The following CREB3L1 variants were observed in gnomAD, a reference collection of about 807,000 sequenced individuals.
CREB3L1 encodes the protein cAMP responsive element binding protein 3 like 1.
In CREB3L1, 33 loss-of-function variants were observed where a neutral mutation model predicts 54.5. The ratio of observed to expected loss-of-function variants is 0.61; its 90% CI spans 0.46 to 0.81. CREB3L1 has a LOEUF of 0.81. Ranked by LOEUF, CREB3L1 falls within the 30% of genes least tolerant of loss-of-function variation. The pLI, the probability that CREB3L1 is intolerant of heterozygous loss-of-function variation, is 0.00. For synonymous variants in CREB3L1, 284 were observed against 286.4 expected (o/e 0.99, Z 0.08); for missense variants, 656 against 673.3 (o/e 0.97, Z 0.29).
chr11:46,301,449 C>T (rs975049234), intron 2 of CREB3L1, among the ~76,000 whole-genome samples: 2 of 151,450 alleles, frequency 1.3e-5, no homozygotes, highest in African/African-American at 2.4e-5. Flanking sequence ...ACCAGCCTGG[C>T]GAACGTGATA....
In CREB3L1 at chr11:46,299,278, C is replaced by T. The variant is rs115611942; in HGVS notation, c.103-657C>T. Among the ~76,000 whole-genome samples, 723 of 152,174 alleles carry T rather than the reference C, an allele frequency of 4.8e-3. 8 individuals are homozygous for T. The highest frequency in any genetic ancestry group is 0.017 in the African/African-American group (702 of 41,526). On this transcript the variant is annotated intron_variant, in intron 1 of 11. Transcript: ENST00000621158. ...AGCTAGAAGGATGGAGGCCACCATT[C>T]GAACCTAAATAGTAGGGCTCCGGAG... is the stretch of plus-strand genomic sequence containing the variant.
chr11:46,318,442 T>C (rs1939599618), intron 10 of CREB3L1, among the ~76,000 whole-genome samples: 3 of 152,240 alleles, frequency 2.0e-5, no homozygotes, highest in Non-Finnish European at 2.9e-5. Flanking sequence ...GGCATGTGTC[T>C]TAAGCTTTCA....
chr11:46,280,701 C>G (rs951289677), intron 1 of CREB3L1, among the ~76,000 whole-genome samples: 1 of 152,116 alleles, frequency 6.6e-6, no homozygotes, highest in Non-Finnish European at 1.5e-5. Flanking sequence ...GCTGTGTGAA[C>G]ATAGCAAGTC....
chr11:46,291,994 G>A (rs574729786), intron 1 of CREB3L1, among the ~76,000 whole-genome samples: 16 of 152,364 alleles, frequency 1.1e-4, no homozygotes, highest in African/African-American at 2.9e-4. Flanking sequence ...GGCTCCAGGC[G>A]AGGAGGGCCT....
intron 2 of CREB3L1, 139 bp downstream of exon 2, chr11:46,300,302 G>T (rs1041211309): frequency 6.1e-6 from 4 of 652,858 alleles, no homozygotes; most frequent in Non-Finnish European, 1.1e-5. Context: ...CCCTTAGGAG[G>T]TGCTCCTCCC....
rs746245139 is a variant in CREB3L1 at position 46,307,918 on chromosome 11, C to T, written c.434C>T (p.Ser145Leu). 29 of 1,570,254 alleles carry T rather than the reference C, an allele frequency of 1.8e-5. No individual in the cohort carries two copies. The highest frequency in any genetic ancestry group is 8.2e-5 in the African/African-American group (6 of 73,500). Residue 145 changes from serine to leucine, a missense_variant, in exon 3 of 12, where the codon TCG (serine) becomes TTG (leucine). By Grantham distance (145) the Ser-to-Leu change is moderately radical. This residue lies in a region of CREB3L1 where 339 missense variants were observed against 331.5 expected (regional missense o/e 1.02). Coordinates refer to ENST00000621158, the MANE Select transcript of CREB3L1 (RefSeq NM_052854.4). ...ELPVDPLAAP[S>L]AMAAAAAMAT... is the part of the protein sequence containing the mutation. ...CCCGTGGACCCTCTGGCTGCCCCCT[C>T]GGCCATGGCTGCCGCGGCCGCCATG...
chr11:46,315,721 C>T (rs563379584), intron 8 of CREB3L1: 35 of 174,660 alleles, frequency 2.0e-4, no homozygotes, highest in African/African-American at 8.3e-4. Flanking sequence ...AGTCAGGAGG[C>T]TAAGGCAGGA....
intron 2 of CREB3L1, among the ~76,000 whole-genome samples, chr11:46,305,257 G>A (rs1321093492): frequency 6.6e-6 from 1 of 152,124 alleles, no homozygotes; most frequent in Non-Finnish European, 1.5e-5. Flanking sequence ...CAGCCCTATT[G>A]CCCAGGTGAA....
At position 46,312,605 on chromosome 11, in the gene CREB3L1, C is replaced by A. The variant is rs1226302806; in HGVS notation, c.904-7C>A. ...GCTAACCCTTGTTTTCGGGCCTCCC[C>A]CTCTAGATCTCAGCCCAGGAGAGCC... On this transcript the variant is annotated splice_region_variant and splice_polypyrimidine_tract_variant and intron_variant, in intron 6 of 11. Coordinates refer to ENST00000621158, the MANE Select transcript of CREB3L1 (RefSeq NM_052854.4). The A allele has an allele frequency of 6.2e-7, 1 of 1,611,036 alleles. No individual in the cohort carries two copies. Among genetic ancestry groups the A allele is most frequent in the Non-Finnish European group, 8.5e-7 (1 of 1,178,660 alleles).
chr11:46,290,880 A>G (rs1939120647), intron 1 of CREB3L1, among the ~76,000 whole-genome samples: 1 of 152,114 alleles, frequency 6.6e-6, no homozygotes, highest in Non-Finnish European at 1.5e-5. Flanking sequence ...GCTGGCCTGC[A>G]TAACTGTGGC....
intron 4 of CREB3L1, 29 bp from the exon 5 acceptor site, chr11:46,311,003 G>A (rs2136354086): frequency 1.3e-6 from 2 of 1,541,944 alleles, no homozygotes; most frequent in Non-Finnish European, 1.8e-6. Context: ...GTGCAACGTT[G>A]CTAACTCGGT....
chr11:46,284,000 GTC>G, intron 1 of CREB3L1, among the ~76,000 whole-genome samples: 1 of 152,160 alleles, frequency 6.6e-6, no homozygotes, highest in Non-Finnish European at 1.5e-5. Context: ...CAGAAGTGCT[GTC>G]TGTGCCCCGA....
intron 1 of CREB3L1, among the ~76,000 whole-genome samples, chr11:46,285,496 G>A (rs1939042449): frequency 6.6e-6 from 1 of 152,150 alleles, no homozygotes; most frequent in South Asian, 2.1e-4. Flanking sequence ...AAATGCCCCA[G>A]GACTCTGACC....
In CREB3L1 at chr11:46,321,052, CCAAA is replaced by C. The variant is rs1216216922; in HGVS notation, c.*309_*312del. The C allele has an allele frequency of 6.8e-6, 4 of 588,542 alleles. No individual in the cohort carries two copies. The African/African-American group carries it at 7.4e-5, about 11-fold the overall frequency. The allele number at this position is 588,542 out of a possible 1,614,324, so 36.5% of individuals were successfully genotyped here. A position where few individuals can be genotyped will look rare whatever the true frequency, so the allele number is the denominator to read the frequency against. On this transcript the variant is annotated 3_prime_UTR_variant, in exon 12 of 12. Transcript: ENST00000621158. ...TGCCTCCCTGCCCCCACACCTGCAC[CCAAA>C]CAGACACATCAACGCACCCCACTCA... is the stretch of plus-strand genomic sequence containing the variant.
At chr11:46,320,143 C>G in intron 10 of CREB3L1, 121 bp from the exon 11 acceptor site, 9 of 1,128,258 alleles carry the variant, frequency 8.0e-6, no homozygotes, top group Non-Finnish European at 9.9e-6. Flanking sequence ...GTCACACATC[C>G]GGGAAGTGTC....
intron 1 of CREB3L1, among the ~76,000 whole-genome samples, chr11:46,296,763 G>A (rs1370985954): frequency 2.6e-5 from 4 of 152,178 alleles, no homozygotes; most frequent in Non-Finnish European, 4.4e-5. Flanking sequence ...CTGCCCCTTG[G>A]CCGCCCTCCC....
intron 2 of CREB3L1, among the ~76,000 whole-genome samples, chr11:46,306,409 C>T (rs1026842737): frequency 6.6e-5 from 10 of 151,606 alleles, no homozygotes; most frequent in African/African-American, 2.2e-4. Context: ...GAGGCTGTGG[C>T]GGGAGAACCA....
intron 1 of CREB3L1, among the ~76,000 whole-genome samples, chr11:46,290,597 G>T (rs571059931): frequency 4.6e-5 from 7 of 151,874 alleles, no homozygotes; most frequent in Non-Finnish European, 8.8e-5. Flanking sequence ...CACCCCACAA[G>T]TTCAGCCCCT....
chr11:46,317,298 G>A, intron 9 of CREB3L1, 63 bp from the exon 10 acceptor site: 1 of 1,598,786 alleles, frequency 6.3e-7, no homozygotes, highest in South Asian at 1.1e-5. Context: ...AGGAGGAGTG[G>A]GGTGGTCAGG....
Sources: gnomAD v4.1 joint callset for allele counts (sites outside exome capture counted in the v4.1 genomes callset) on GRCh38, gnomAD v4.1.1 for gene constraint, gnomAD v4.1.1 regional missense constraint, MANE v1.5 for transcripts, NCBI Gene and HGNC (gene_info 2026-07-23, HGNC 2026-07-21) for gene names.